The following ERCC6L2 variants were observed in gnomAD, a reference collection of about 807,000 sequenced individuals.
The protein encoded by ERCC6L2 is DNA excision repair protein ERCC-6-like 2.
Under a neutral mutation model 132.0 loss-of-function variants are expected in ERCC6L2, and 77 were observed. That is an observed-to-expected ratio of 0.58 (90% confidence interval 0.49 to 0.71). ERCC6L2 has a LOEUF of 0.71. ERCC6L2 is among the 30% of genes least tolerant of loss of function. ERCC6L2 has a pLI of 0.00. For missense variants in ERCC6L2, 1,542 were observed against 1,837.6 expected (o/e 0.84, Z 2.94); for synonymous variants, 583 against 632.4 (o/e 0.92, Z 1.17).
downstream of ERCC6L2, chr9:96,021,248 A>G (rs1834283215): frequency 5.7e-6 from 2 of 347,924 alleles, no homozygotes; most frequent in Admixed American, 3.9e-5. The surrounding 1 kb of genome is among the most constrained non-coding windows in gnomAD (Gnocchi z 4.7). Flanking sequence ...AGCCGCCCCA[A>G]GCAACCCGTT....
At chr9:96,020,749 C>G (rs190906764), downstream of ERCC6L2, 1 of 456,636 alleles carries the variant, frequency 2.2e-6, no homozygotes, top group African/African-American at 2.0e-5. Flanking sequence ...GAAAAGGCCA[C>G]TTCCAAACTG....
chr9:95,942,549 GA>G (rs1201425094), intron 12 of ERCC6L2, among the ~76,000 whole-genome samples: 1 of 151,542 alleles, frequency 6.6e-6, no homozygotes, highest in Non-Finnish European at 1.5e-5. Flanking sequence ...ATGAAGGTCT[GA>G]AAAAAAATGG....
At chr9:96,009,077 A>G (rs1833947567) in intron 18 of ERCC6L2, among the ~76,000 whole-genome samples, 1 of 152,250 alleles carries the variant, frequency 6.6e-6, no homozygotes, top group South Asian at 2.1e-4. Context: ...CAGCTCCGGC[A>G]CCAGATCAGA....
At chr9:95,907,362 CAG>C (rs1829096577) in intron 4 of ERCC6L2, 91 bp downstream of exon 4, 5 of 804,854 alleles carry the variant, frequency 6.2e-6, no homozygotes, top group Non-Finnish European at 8.7e-6. Context: ...TTTTTTGAGA[CAG>C]AGTCTTGCTT....
chr9:95,939,696 TTTTG>T (rs1225020172), intron 11 of ERCC6L2, among the ~76,000 whole-genome samples: 40 of 152,336 alleles, frequency 2.6e-4, no homozygotes, highest in African/African-American at 8.2e-4. Context: ...GACTCAATTT[TTTTG>T]TTTGTTTCAA....
At chr9:95,978,600 A>C (rs1390106124) in intron 17 of ERCC6L2, among the ~76,000 whole-genome samples, 1 of 152,218 alleles carries the variant, frequency 6.6e-6, no homozygotes, top group Non-Finnish European at 1.5e-5. Flanking sequence ...ATGAAGACCA[A>C]CATAGAAAAC....
chr9:95,941,306 A>G (rs1830787032), intron 11 of ERCC6L2, 148 bp from the exon 12 acceptor site: 3 of 539,592 alleles, frequency 5.6e-6, no homozygotes, highest in Non-Finnish European at 3.3e-6. Context: ...AATTTGTGGC[A>G]TATTTGTATT....
At chr9:95,981,897 G>A (rs1832907960) in intron 17 of ERCC6L2, among the ~76,000 whole-genome samples, 1 of 152,110 alleles carries the variant, frequency 6.6e-6, no homozygotes, top group African/African-American at 2.4e-5. Flanking sequence ...GACTGAAGGG[G>A]GAGGATGTAT....
At chr9:96,027,081 C>T (rs1015417997) in intron 19 of ERCC6L2, among the ~76,000 whole-genome samples, 2 of 149,420 alleles carry the variant, frequency 1.3e-5, no homozygotes, top group Non-Finnish European at 3.0e-5. Context: ...CCACATACCC[C>T]ACACACATAC....
chr9:95,984,228 TTA>T (rs373314529), intron 17 of ERCC6L2, among the ~76,000 whole-genome samples: 12 of 149,270 alleles, frequency 8.0e-5, no homozygotes, highest in Non-Finnish European at 1.5e-5. Context: ...AAAGTATATA[TTA>T]TATATGTTAT....
intron 16 of ERCC6L2, among the ~76,000 whole-genome samples, chr9:95,976,593 T>C (rs1353370188): frequency 3.3e-5 from 5 of 152,208 alleles, no homozygotes; most frequent in African/African-American, 9.6e-5. Flanking sequence ...TCATAGCTAG[T>C]GGAGATTTTC....
intron 14 of ERCC6L2, among the ~76,000 whole-genome samples, chr9:95,969,899 A>G (rs1832336201): frequency 6.6e-6 from 1 of 152,168 alleles, no homozygotes; most frequent in Non-Finnish European, 1.5e-5. Flanking sequence ...GTCAACAAAT[A>G]TAGCCTTAAA....
At chr9:95,948,923 A>T (rs1014755405) in intron 12 of ERCC6L2, among the ~76,000 whole-genome samples, 2 of 152,204 alleles carry the variant, frequency 1.3e-5, no homozygotes, top group African/African-American at 4.8e-5. Flanking sequence ...CAAAGACTTT[A>T]CAACAAGTGT....
chr9:95,927,216 G>A (rs1830138099), intron 9 of ERCC6L2, among the ~76,000 whole-genome samples: 1 of 151,964 alleles, frequency 6.6e-6, no homozygotes, highest in African/African-American at 2.4e-5. Flanking sequence ...GGGAGGTAGA[G>A]GTCAAAGTTA....
At chr9:96,018,667 G>A (rs911214639), downstream of ERCC6L2, among the ~76,000 whole-genome samples, 8 of 148,726 alleles carry the variant, frequency 5.4e-5, no homozygotes, top group Non-Finnish European at 1.2e-4. Context: ...ACAGGGTTTC[G>A]CCATGTTGCC....
rs529511756 is a variant in ERCC6L2 at position 95,967,530 on chromosome 9, G to A, written c.2100+816G>A. 2.0e-5 allele frequency: 3 copies of A among 152,248 alleles called. No homozygotes were observed. In the South Asian group the frequency reaches 6.2e-4, roughly 32 times the overall value. 9.4% of individuals were successfully genotyped at this position (152,248 alleles called of 1,614,324 possible). ...AGGAACTTAAACCATCTTGACCGGA[G>A]GTGGAAGAGAACGTTTACATAATAA... is the stretch of plus-strand genomic sequence containing the variant. On this transcript the variant is annotated intron_variant, in intron 14 of 18. Coordinates refer to ENST00000653738, the MANE Select transcript of ERCC6L2 (RefSeq NM_020207.7).
chr9:96,015,591 C>T lies in ERCC6L2; in HGVS notation c.*2388C>T, dbSNP rs536627284. Among the ~76,000 whole-genome samples, 17 of 150,880 alleles carry T rather than the reference C, an allele frequency of 1.1e-4. No homozygotes were observed. Among genetic ancestry groups the T allele is most frequent in the Non-Finnish European group, 2.2e-4 (15 of 67,756 alleles). On this transcript the variant is annotated 3_prime_UTR_variant, in exon 19 of 19. Coordinates refer to ENST00000653738, the MANE Select transcript of ERCC6L2 (RefSeq NM_020207.7). ...CAGGCGGATCACAAGGTCATGAGAT[C>T]GAGACTATCCTGGCTAACGCGGTGA...
At chr9:96,038,404 C>T (rs1317316486) in intron 19 of ERCC6L2, among the ~76,000 whole-genome samples, 4 of 152,254 alleles carry the variant, frequency 2.6e-5, no homozygotes, top group African/African-American at 9.6e-5. Flanking sequence ...AGCACATTGC[C>T]GCTGAGCAGG....
In ERCC6L2 at chr9:95,916,620, T is replaced by G. The variant is rs1453891199; in HGVS notation, c.1158+186T>G. ...GAGCTCAGTTGTTTTCCTTACTGAC[T>G]TTATTAACCTGTTAGCTAACAGGTT... On this transcript the variant is annotated intron_variant, in intron 6 of 18. Coordinates refer to ENST00000653738, the MANE Select transcript of ERCC6L2 (RefSeq NM_020207.7). Among the ~76,000 whole-genome samples, 5 of 152,102 alleles carry G rather than the reference T, an allele frequency of 3.3e-5. No homozygotes were observed. The South Asian group carries it at 1.0e-3, about 32-fold the overall frequency.
Sources: allele counts gnomAD v4.1 joint callset (sites outside exome capture counted in the v4.1 genomes callset), GRCh38; gene constraint gnomAD v4.1.1; non-coding constraint Gnocchi (gnomAD v3.1); transcripts MANE v1.5; gene names NCBI Gene and HGNC (gene_info 2026-07-23, HGNC 2026-07-21).